Variants in JCAD observed in about 807,000 individuals in gnomAD.
The protein encoded by JCAD is junctional cadherin 5-associated protein.
A neutral mutation model predicts 98.0 loss-of-function variants in JCAD; 40 were observed. The ratio of observed to expected loss-of-function variants is 0.41; its 90% CI spans 0.32 to 0.53. JCAD has a LOEUF of 0.53. JCAD is among the 20% of genes least tolerant of loss of function. The pLI is 0.31. For synonymous variants in JCAD, 691 were observed against 682.3 expected (o/e 1.01, Z -0.20); for missense variants, 1,705 against 1,738.1 (o/e 0.98, Z 0.34).
chr10:30,029,951 A>G, intron 2 of JCAD, 85 bp from the exon 3 acceptor site: 2 of 1,437,420 alleles, frequency 1.4e-6, no homozygotes, highest in Admixed American at 4.9e-5. Context: ...AGTCAAACTC[A>G]GGTCAGCAAC....
At chr10:30,086,366 A>G (rs1838166798) in intron 1 of JCAD, among the ~76,000 whole-genome samples, 1 of 152,192 alleles carries the variant, frequency 6.6e-6, no homozygotes, top group Non-Finnish European at 1.5e-5. Context: ...AGAAGATAGA[A>G]GCTACTACTG....
chr10:30,100,796 G>C (rs1012667538), intron 1 of JCAD, among the ~76,000 whole-genome samples: 5 of 152,206 alleles, frequency 3.3e-5, no homozygotes, highest in African/African-American at 9.7e-5. Context: ...GCCCTCAGGA[G>C]ATCCTGAGAA....
intron 1 of JCAD, among the ~76,000 whole-genome samples, chr10:30,056,821 T>G (rs955043208): frequency 1.8e-4 from 27 of 152,154 alleles, no homozygotes; most frequent in African/African-American, 6.3e-4. Context: ...TTTTAGTATC[T>G]GGGGGAGGGG....
chr10:30,025,695 C>T (rs1836775298), intron 3 of JCAD, among the ~76,000 whole-genome samples: 1 of 151,864 alleles, frequency 6.6e-6, no homozygotes, highest in African/African-American at 2.4e-5. Context: ...CGAGACCAGC[C>T]TGAGTAACAT....
At chr10:30,054,912 G>C (rs1045985803) in intron 1 of JCAD, among the ~76,000 whole-genome samples, 6 of 151,968 alleles carry the variant, frequency 3.9e-5, no homozygotes, top group Non-Finnish European at 7.4e-5. Context: ...CTCGTGATCC[G>C]CCCGCCTCGG....
rs565918898 is a variant in JCAD at position 30,048,402 on chromosome 10, C to T, written c.-59-531G>A. On this transcript the variant is annotated intron_variant, in intron 1 of 3. Transcript: ENST00000375377. ...TCAACACAGTCATGATACAATTCAGCGGAAGCCATCGAAACAGCAACTGCC... is the reference window on the plus strand; with the variant it reads ...TCAACACAGTCATGATACAATTCAGTGGAAGCCATCGAAACAGCAACTGCC... Among the ~76,000 whole-genome samples, 7 of 152,254 alleles carry T rather than the reference C, an allele frequency of 4.6e-5. No individual in the cohort carries two copies. The East Asian group carries it at 1.4e-3, about 29-fold the overall frequency.
chr10:30,047,391 C>CA (rs1383640756), intron 2 of JCAD, 141 bp downstream of exon 2: 45 of 1,048,448 alleles, frequency 4.3e-5, no homozygotes, highest in Admixed American at 8.2e-5. Flanking sequence ...AAACAAAAAG[C>CA]AAAAAAAGTG....
At chr10:30,079,091 G>T (rs1838029432) in intron 1 of JCAD, among the ~76,000 whole-genome samples, 1 of 152,192 alleles carries the variant, frequency 6.6e-6, no homozygotes, top group African/African-American at 2.4e-5. Context: ...GGCTGAACTT[G>T]TTAGTAAGTC....
intron 1 of JCAD, among the ~76,000 whole-genome samples, chr10:30,054,391 A>G (rs2505087): frequency 0.32 from 48,033 of 151,882 alleles, 9,600 homozygotes; most frequent in Non-Finnish European, 0.44. Flanking sequence ...TGAAATTGTC[A>G]TTTTGCAGGT....
chr10:30,073,702 C>CTTCCTTCCTTCT (rs1564463635), intron 1 of JCAD, among the ~76,000 whole-genome samples: 3 of 145,418 alleles, frequency 2.1e-5, no homozygotes, highest in Non-Finnish European at 4.5e-5. Flanking sequence ...TCCTTCCTTC[C>CTTCCTTCCTTCT]TTCCTTCTTT....
chr10:30,095,015 CG>C (rs559424365), intron 1 of JCAD, among the ~76,000 whole-genome samples: 138 of 152,238 alleles, frequency 9.1e-4, no homozygotes, highest in African/African-American at 3.3e-3. Context: ...GATTTCAGCC[CG>C]GGGTGGATCT....
Position 30,017,673 on chromosome 10 carries a change from A to G in JCAD, c.*210T>C. The G allele has an allele frequency of 1.6e-6, 1 of 626,260 alleles. No homozygotes were observed. Among genetic ancestry groups the G allele is most frequent in the Non-Finnish European group, 2.8e-6 (1 of 354,426 alleles). 38.8% of individuals were successfully genotyped at this position (626,260 alleles called of 1,614,324 possible). The stretch of plus-strand genomic sequence containing the variant: ...TTAAATCTTCATGCTATAAAAACAG[A>G]TGGTTTCAACGGACGATTGCTTTAT... On this transcript the variant is annotated 3_prime_UTR_variant, in exon 4 of 4. Transcript: ENST00000375377.
chr10:30,073,718 T>TTTCC (rs1159445137), intron 1 of JCAD, among the ~76,000 whole-genome samples: 3 of 137,576 alleles, frequency 2.2e-5, no homozygotes, highest in African/African-American at 8.6e-5. Flanking sequence ...TCTTTCCTTC[T>TTTCC]TTCCTTCCTT....
At chr10:30,051,711 T>C (rs1044831940) in intron 1 of JCAD, among the ~76,000 whole-genome samples, 1 of 151,938 alleles carries the variant, frequency 6.6e-6, no homozygotes, top group African/African-American at 2.4e-5. Flanking sequence ...CTAAAGTGGA[T>C]AGAGCGAGAA....
intron 1 of JCAD, among the ~76,000 whole-genome samples, chr10:30,077,672 T>C (rs1184673433): frequency 6.6e-6 from 1 of 152,242 alleles, no homozygotes; most frequent in Non-Finnish European, 1.5e-5. Context: ...AGTGGTATCA[T>C]ATAATATTTC....
rs754224516 is a variant in JCAD, at chr10:30,028,323, G to C, written c.1825C>G (p.Gln609Glu). The C allele has an allele frequency of 1.2e-6, 2 of 1,614,164 alleles. No homozygotes were observed. The highest frequency in any genetic ancestry group is 1.7e-6 in the Non-Finnish European group (2 of 1,180,040). Residue 609 changes from glutamine (Q) to glutamate (E), a missense_variant, in exon 3 of 4, where the codon CAA (glutamine) becomes GAA (glutamate). Transcript: ENST00000375377. Reference sequence around the variant, plus strand: ...GGGCTCTTATCAGACCCATTCTTTTGATCAGCACTGGGCTTTAAGTCATTG... The same window carrying C: ...GGGCTCTTATCAGACCCATTCTTTTCATCAGCACTGGGCTTTAAGTCATTG... ...DNNDLKPSADQKNGSDKSPAL... is the reference protein window; with the variant it reads ...DNNDLKPSADEKNGSDKSPAL...
At chr10:30,081,675 A>G (rs1838088900) in intron 1 of JCAD, among the ~76,000 whole-genome samples, 1 of 151,910 alleles carries the variant, frequency 6.6e-6, no homozygotes, top group South Asian at 2.1e-4. Flanking sequence ...TAAGTGATCC[A>G]CTCACCTCAG....
intron 2 of JCAD, among the ~76,000 whole-genome samples, chr10:30,031,816 G>A (rs1374710945): frequency 1.7e-4 from 24 of 138,346 alleles, no homozygotes; most frequent in Non-Finnish European, 7.7e-5. Flanking sequence ...GTGCAGTGGT[G>A]GGATCTCGGC....
chr10:30,082,142 G>A (rs1057238773), intron 1 of JCAD, among the ~76,000 whole-genome samples: 16 of 152,126 alleles, frequency 1.1e-4, no homozygotes, highest in African/African-American at 3.6e-4. Context: ...ACATAATGGT[G>A]ATGATTAAAA....
Sources: allele counts gnomAD v4.1 joint callset (sites outside exome capture counted in the v4.1 genomes callset), GRCh38; gene constraint gnomAD v4.1.1; transcripts MANE v1.5; gene names NCBI Gene and HGNC (gene_info 2026-07-23, HGNC 2026-07-21).